The following SIPA1L3 variants were observed in gnomAD, a reference collection of about 807,000 sequenced individuals.
SIPA1L3 encodes signal-induced proliferation-associated 1-like protein 3.
In SIPA1L3, 59 loss-of-function variants were observed where a neutral mutation model predicts 150.1. The ratio of observed to expected loss-of-function variants is 0.39; its 90% CI spans 0.32 to 0.49. The LOEUF (loss-of-function observed/expected upper bound fraction) is 0.49. Ranked by LOEUF, SIPA1L3 falls within the 20% of genes least tolerant of loss-of-function variation. The probability of loss-of-function intolerance (pLI) is 0.86; values close to 1 mark genes in which losing one functional copy is unlikely to be tolerated. For missense variants in SIPA1L3, 2,211 were observed against 2,489.5 expected (o/e 0.89, Z 2.38); for synonymous variants, 1,070 against 1,077.6 (o/e 0.99, Z 0.14).
In SIPA1L3 at chr19:38,192,157, G is replaced by A. The variant is rs145924400; in HGVS notation, c.4443G>A (p.Thr1481=). The change falls in exon 17 of 22, where the codon ACG becomes ACA. Residue 1481 remains threonine, a synonymous_variant. Coordinates refer to ENST00000222345, the MANE Select transcript of SIPA1L3 (RefSeq NM_015073.3). The part of the protein sequence containing the change: ...PFSDPKKQVD[T]NTKNVFGQPR... Reference sequence around the variant, plus strand: ...GCTGTCATTCCAGGCAGGTGGACACGAACACCAAAAATGTCTTTGGGCAAC... The same window carrying A: ...GCTGTCATTCCAGGCAGGTGGACACAAACACCAAAAATGTCTTTGGGCAAC... 6.9e-6 allele frequency: 11 copies of A among 1,605,830 alleles called. No homozygotes were observed. Among genetic ancestry groups the A allele is most frequent in the Middle Eastern group, 1.7e-4 (1 of 5,990 alleles).
intron 15 of SIPA1L3, among the ~76,000 whole-genome samples, chr19:38,170,015 G>A (rs1476870553): frequency 2.6e-5 from 4 of 151,766 alleles, no homozygotes; most frequent in Non-Finnish European, 5.9e-5. Context: ...AGGGGCCAGG[G>A]TGGGCTGGAG....
At chr19:38,135,328 C>A (rs747433308) in intron 10 of SIPA1L3, among the ~76,000 whole-genome samples, 24 of 152,112 alleles carry the variant, frequency 1.6e-4, no homozygotes, top group Non-Finnish European at 2.9e-4. Context: ...AGTCATGCCC[C>A]GGGTGTCTCC....
At chr19:38,091,978 C>T (rs895845682) in intron 4 of SIPA1L3, among the ~76,000 whole-genome samples, 1 of 150,704 alleles carries the variant, frequency 6.6e-6, no homozygotes, top group East Asian at 1.9e-4. Context: ...GCAGGAGAAT[C>T]GCTTGAACCT....
At chr19:38,113,990 G>C (rs956238062) in intron 8 of SIPA1L3, among the ~76,000 whole-genome samples, 2 of 152,104 alleles carry the variant, frequency 1.3e-5, no homozygotes, top group Non-Finnish European at 2.9e-5. Context: ...CCTCCTGCTG[G>C]GAAGTAAGGG....
At chr19:37,916,132 C>T (rs927865634) in intron 1 of SIPA1L3, among the ~76,000 whole-genome samples, 1 of 152,064 alleles carries the variant, frequency 6.6e-6, no homozygotes, top group Admixed American at 6.6e-5. Context: ...GTTCAAATGA[C>T]TGTCCTGCCT....
At position 38,082,248 on chromosome 19, in the gene SIPA1L3, A is replaced by T; in HGVS notation, c.683A>T (p.Glu228Val). 6.2e-7 allele frequency: 1 copy of T among 1,601,084 alleles called. No homozygotes were observed. Among genetic ancestry groups the T allele is most frequent in the Non-Finnish European group, 8.5e-7 (1 of 1,179,718 alleles). The change falls in exon 3 of 22, where the codon GAG (glutamate) becomes GTG (valine). Residue 228 changes from glutamate (E) to valine (V), a missense_variant. By Grantham distance (121) the Glu-to-Val change is moderately radical. Around this residue, in one of 5 missense-constraint regions of SIPA1L3, gnomAD observed 587 missense variants for 534.5 expected, o/e 1.10. Coordinates refer to ENST00000222345, the MANE Select transcript of SIPA1L3 (RefSeq NM_015073.3). ...GACATCCTGAACGAGTTCCGCAGCGAGCAGCCCGACGCCCGAGGGTGCCAG... is the reference window on the plus strand; with the variant it reads ...GACATCCTGAACGAGTTCCGCAGCGTGCAGCCCGACGCCCGAGGGTGCCAG... ...FFDILNEFRSEQPDARGCQAL... is the reference protein window; with the variant it reads ...FFDILNEFRSVQPDARGCQAL...
At position 38,082,129 on chromosome 19, in the gene SIPA1L3, G is replaced by T. The variant is rs1487279240; in HGVS notation, c.564G>T (p.Arg188=). 2 of 1,606,390 alleles carry T rather than the reference G, an allele frequency of 1.2e-6. No homozygotes were observed. The highest frequency in any genetic ancestry group is 2.2e-5 in the East Asian group (1 of 44,840). ...ACGCGGAGGACGCGGGGGAGCCGCG[G>T]GGGGCCCGGCACACGGGGGCGCTGC... ...ECDAEDAGEP[R]GARHTGALPL... is the part of the protein sequence containing the mutation. The change falls in exon 3 of 22, where the codon CGG becomes CGT. Residue 188 remains arginine, a synonymous_variant. Coordinates refer to ENST00000222345, the MANE Select transcript of SIPA1L3 (RefSeq NM_015073.3).
chr19:37,942,158 G>A (rs144749855), intron 1 of SIPA1L3, among the ~76,000 whole-genome samples: 3 of 152,244 alleles, frequency 2.0e-5, no homozygotes, highest in Admixed American at 6.5e-5. Context: ...TTCCAGTGCC[G>A]GGGACGGAGC....
At chr19:38,136,726 G>A (rs1971445079) in intron 10 of SIPA1L3, among the ~76,000 whole-genome samples, 1 of 152,218 alleles carries the variant, frequency 6.6e-6, no homozygotes, top group African/African-American at 2.4e-5. Flanking sequence ...GGATTCTGAT[G>A]CGTGTAATCT....
intron 1 of SIPA1L3, among the ~76,000 whole-genome samples, chr19:37,908,725 A>G (rs1036518893): frequency 2.6e-5 from 4 of 151,960 alleles, no homozygotes; most frequent in Non-Finnish European, 4.4e-5. Flanking sequence ...TTTACTTACC[A>G]AAGATTAAAT....
At chr19:37,979,579 G>T (rs377378670) in intron 1 of SIPA1L3, among the ~76,000 whole-genome samples, 20 of 151,566 alleles carry the variant, frequency 1.3e-4, no homozygotes, top group Middle Eastern at 6.8e-3. Flanking sequence ...AAAAATTTAG[G>T]TTTCACTGTC....
intron 2 of SIPA1L3, among the ~76,000 whole-genome samples, chr19:38,079,008 G>T (rs971529587): frequency 6.6e-6 from 1 of 152,176 alleles, no homozygotes; most frequent in Non-Finnish European, 1.5e-5. Flanking sequence ...ATTAGGCAGA[G>T]GCCATCTGTT....
At chr19:37,961,428 T>G (rs1342556423) in intron 1 of SIPA1L3, among the ~76,000 whole-genome samples, 1 of 152,152 alleles carries the variant, frequency 6.6e-6, no homozygotes, top group Non-Finnish European at 1.5e-5. Flanking sequence ...TGGCCTCCAT[T>G]GTTTGTGGTG....
At chr19:38,111,029 T>TG (rs113372421) in intron 8 of SIPA1L3, among the ~76,000 whole-genome samples, 5,874 of 148,606 alleles carry the variant, frequency 0.04, 346 homozygotes, top group African/African-American at 0.13. Flanking sequence ...TTTGGGTTTT[T>TG]TTTTTTTTTT....
At position 37,951,746 on chromosome 19, in the gene SIPA1L3, A is replaced by C. The variant is rs112248838; in HGVS notation, c.-379+44388A>C. 6.5e-4 allele frequency among the ~76,000 whole-genome samples: 99 copies of C among 151,960 alleles called. 1 individual carries two copies. The highest frequency in any genetic ancestry group is 1.3e-3 in the Non-Finnish European group (86 of 67,968). ...ACCCCGTCTCTACTAAAATGCAAAAAATTAGCCGGGCATGGTGGCGGGCGC... is the reference window on the plus strand; with the variant it reads ...ACCCCGTCTCTACTAAAATGCAAAACATTAGCCGGGCATGGTGGCGGGCGC... On this transcript the variant is annotated intron_variant, in intron 1 of 21. Coordinates refer to ENST00000222345, the MANE Select transcript of SIPA1L3 (RefSeq NM_015073.3).
chr19:38,072,736 GA>G, intron 2 of SIPA1L3, among the ~76,000 whole-genome samples: 1 of 152,392 alleles, frequency 6.6e-6, no homozygotes, highest in Non-Finnish European at 1.5e-5. Flanking sequence ...CTCCCAAAGG[GA>G]AGTCGGGACT....
chr19:38,082,643 G>T lies in SIPA1L3; in HGVS notation c.1078G>T (p.Val360Leu). ...FDLNEAAANR[V>L]SVSQRRNTTT... ...CCTCAACGAGGCGGCCGCCAACAGG[G>T]TGTCGGTGTCGCAGCGGCGGAACAC... is the stretch of plus-strand genomic sequence containing the variant. Residue 360 changes from valine (V) to leucine (L), a missense_variant, in exon 3 of 22, where the codon GTG (valine) becomes TTG (leucine). Val to Leu is a conservative substitution (Grantham distance 32). Around this residue, in one of 5 missense-constraint regions of SIPA1L3, gnomAD observed 587 missense variants for 534.5 expected, o/e 1.10. Coordinates refer to ENST00000222345, the MANE Select transcript of SIPA1L3 (RefSeq NM_015073.3). 6.2e-7 allele frequency: 1 copy of T among 1,606,556 alleles called. No homozygotes were observed. The highest frequency in any genetic ancestry group is 1.1e-5 in the South Asian group (1 of 91,082).
chr19:38,119,168 C>G, intron 8 of SIPA1L3, 138 bp from the exon 9 acceptor site: 1 of 822,076 alleles, frequency 1.2e-6, no homozygotes, highest in Admixed American at 2.8e-5. Context: ...TGCACTCCAG[C>G]CTGGGTGACA....
chr19:37,909,301 G>C (rs1021481147), intron 1 of SIPA1L3, among the ~76,000 whole-genome samples: 2 of 152,110 alleles, frequency 1.3e-5, no homozygotes, highest in Non-Finnish European at 2.9e-5. Flanking sequence ...TCCGTCTCCC[G>C]GGTTCAAGCA....
Sources: allele counts gnomAD v4.1 joint callset (sites outside exome capture counted in the v4.1 genomes callset), GRCh38; gene constraint gnomAD v4.1.1; regional missense constraint gnomAD v4.1.1; transcripts MANE v1.5; gene names NCBI Gene and HGNC (gene_info 2026-07-23, HGNC 2026-07-21).